Variants in RBFOX1 observed in about 807,000 individuals in gnomAD.
RBFOX1 encodes RNA binding fox-1 homolog 1.
In RBFOX1, 8 loss-of-function variants were observed where a neutral mutation model predicts 57.7. That is an observed-to-expected ratio of 0.14 (90% confidence interval 0.08 to 0.25). The LOEUF is 0.25. Among genes scored for constraint, RBFOX1 ranks in the 10% least tolerant of loss-of-function variants. The probability of loss-of-function intolerance (pLI) is 1.00; values close to 1 mark genes in which losing one functional copy is unlikely to be tolerated. For synonymous variants in RBFOX1, 326 were observed against 222.4 expected, an observed-to-expected ratio of 1.47 and a Z score of -4.15; for missense variants, 611 against 548.5, an observed-to-expected ratio of 1.11 and a Z score of -1.14.
At chr16:7,544,918 G>A (rs187909077) in intron 5 of RBFOX1, among the ~76,000 whole-genome samples, 194 of 152,098 alleles carry the variant, frequency 1.3e-3, no homozygotes, top group African/African-American at 4.4e-3. Context: ...CATCATCCCC[G>A]TATCTGTGAT....
At chr16:6,811,056 G>A (rs7200839) in intron 3 of RBFOX1, among the ~76,000 whole-genome samples, 12,691 of 152,172 alleles carry the variant, frequency 0.083, 613 homozygotes, top group South Asian at 0.16. Flanking sequence ...AAGATACCCC[G>A]AAAAACACAC....
intron 3 of RBFOX1, among the ~76,000 whole-genome samples, chr16:6,727,206 C>G (rs1483781089): frequency 6.6e-6 from 1 of 152,054 alleles, no homozygotes; most frequent in Non-Finnish European, 1.5e-5. Flanking sequence ...TCCTGCAATT[C>G]TGACAATCCC....
chr16:5,283,546 G>A (rs1446710065), intron 1 of RBFOX1, among the ~76,000 whole-genome samples: 1 of 152,132 alleles, frequency 6.6e-6, no homozygotes, highest in African/African-American at 2.4e-5. Context: ...TTCTCCCAAG[G>A]CCATGGGAGC....
At chr16:6,972,262 C>A (rs1465697736) in intron 3 of RBFOX1, among the ~76,000 whole-genome samples, 3 of 152,032 alleles carry the variant, frequency 2.0e-5, no homozygotes, top group African/African-American at 7.2e-5. Flanking sequence ...TCTCCCTCTC[C>A]CCAGCCCCTG....
At chr16:6,351,813 C>T (rs1044203160) in intron 2 of RBFOX1, among the ~76,000 whole-genome samples, 3 of 152,126 alleles carry the variant, frequency 2.0e-5, no homozygotes, top group Non-Finnish European at 4.4e-5. Context: ...AGGATATTAG[C>T]ATTTCCTGAG....
chr16:5,434,072 C>T (rs368022521), intron 1 of RBFOX1, among the ~76,000 whole-genome samples: 23 of 152,212 alleles, frequency 1.5e-4, no homozygotes, highest in African/African-American at 4.1e-4. Context: ...CAGAGCCTTG[C>T]AAAACTCTCA....
chr16:6,597,703 C>A (rs1204814351), intron 2 of RBFOX1, among the ~76,000 whole-genome samples: 1 of 151,998 alleles, frequency 6.6e-6, no homozygotes, highest in East Asian at 1.9e-4. Flanking sequence ...AAAACAGGGA[C>A]CCAATTCTGG....
intron 1 of RBFOX1, among the ~76,000 whole-genome samples, chr16:6,123,716 G>A (rs181907811): frequency 9.9e-5 from 15 of 152,214 alleles, no homozygotes; most frequent in Non-Finnish European, 1.6e-4. Flanking sequence ...ACCAGCCTGG[G>A]CAACATGGCA....
At chr16:7,609,911 G>A (rs371759289) in intron 10 of RBFOX1, among the ~76,000 whole-genome samples, 13 of 151,766 alleles carry the variant, frequency 8.6e-5, no homozygotes, top group South Asian at 2.1e-4. Flanking sequence ...TCTGCCTCCC[G>A]GGTTCAAGTG....
downstream of RBFOX1, among the ~76,000 whole-genome samples, chr16:5,603,776 A>G (rs1464650630): frequency 6.6e-6 from 1 of 152,172 alleles, no homozygotes; most frequent in Non-Finnish European, 1.5e-5. Context: ...CAAGATGGAG[A>G]GGCACTTGGG....
chr16:5,269,374 C>T (rs1190266492), intron 1 of RBFOX1, among the ~76,000 whole-genome samples: 1 of 152,228 alleles, frequency 6.6e-6, no homozygotes, highest in Non-Finnish European at 1.5e-5. Context: ...GCCATATTTT[C>T]ATATTCAAAA....
At chr16:7,428,074 C>A (rs1461868676) in intron 4 of RBFOX1, among the ~76,000 whole-genome samples, 1 of 152,156 alleles carries the variant, frequency 6.6e-6, no homozygotes, top group Non-Finnish European at 1.5e-5. Context: ...TCAAGTATTG[C>A]CTCCTCCAGG....
intron 12 of RBFOX1, among the ~76,000 whole-genome samples, chr16:7,657,716 C>A (rs2066671865): frequency 1.3e-5 from 2 of 152,126 alleles, no homozygotes; most frequent in African/African-American, 4.8e-5. Flanking sequence ...TTTTTTGTCT[C>A]ACATGCCTAA....
chr16:5,321,790 G>A (rs778884611), intron 1 of RBFOX1, among the ~76,000 whole-genome samples: 12 of 152,094 alleles, frequency 7.9e-5, no homozygotes, highest in East Asian at 1.9e-4. Context: ...TGTGCACGGC[G>A]TGTGGCGTCT....
At chr16:6,774,008 G>C in intron 3 of RBFOX1, 3 of 985,304 alleles carry the variant, frequency 3.0e-6, no homozygotes, top group Non-Finnish European at 3.6e-6. Context: ...GCTCCTCAGA[G>C]ACCAGGTAAT....
chr16:7,533,270 A>T (rs985185025), intron 5 of RBFOX1, among the ~76,000 whole-genome samples: 1 of 152,210 alleles, frequency 6.6e-6, no homozygotes, highest in Non-Finnish European at 1.5e-5. Context: ...ATCAAACTGG[A>T]CTTCCCTGTG....
At chr16:5,725,160 G>T (rs1234808239) in intron 3 of RBFOX1, among the ~76,000 whole-genome samples, 1 of 152,192 alleles carries the variant, frequency 6.6e-6, no homozygotes, top group Non-Finnish European at 1.5e-5. Context: ...TGCAGAGGAG[G>T]CTAGGCTGTT....
intron 4 of RBFOX1, among the ~76,000 whole-genome samples, chr16:7,258,535 C>T (rs1165293155): frequency 2.6e-5 from 4 of 152,062 alleles, no homozygotes; most frequent in Middle Eastern, 3.2e-3. Flanking sequence ...GTTGTACATG[C>T]ACGTAAAAAT....
At chr16:7,393,349 A>T (rs1194989725) in intron 4 of RBFOX1, among the ~76,000 whole-genome samples, 4 of 152,132 alleles carry the variant, frequency 2.6e-5, no homozygotes, top group African/African-American at 9.7e-5. Flanking sequence ...CTTCTTGCTC[A>T]CCTCTGGATG....
Sources: allele counts gnomAD v4.1 joint callset (sites outside exome capture counted in the v4.1 genomes callset), GRCh38; gene constraint gnomAD v4.1.1; transcripts MANE v1.5; gene names NCBI Gene and HGNC (gene_info 2026-07-23, HGNC 2026-07-21).